KCND3: variants seen among roughly 807,000 people sequenced by gnomAD.
The protein encoded by KCND3 is A-type voltage-gated potassium channel KCND3.
Under a neutral mutation model 51.1 loss-of-function variants are expected in KCND3, and 9 were observed. The observed-to-expected ratio is 0.18, with a 90% confidence interval of 0.11 to 0.31. KCND3 has a LOEUF of 0.31. KCND3 is among the 10% of genes least tolerant of loss of function. The pLI, the probability that KCND3 is intolerant of heterozygous loss-of-function variation, is 1.00. For synonymous variants in KCND3, 349 were observed against 368.0 expected (o/e 0.95, Z 0.59); for missense variants, 526 against 903.8 (o/e 0.58, Z 5.36).
chr1:111,809,460 C>T (rs1023295046), intron 2 of KCND3, among the ~76,000 whole-genome samples: 5 of 152,042 alleles, frequency 3.3e-5, no homozygotes, highest in Non-Finnish European at 7.4e-5. Flanking sequence ...AGGCGCCCAC[C>T]ACCACACCCG....
intron 2 of KCND3, among the ~76,000 whole-genome samples, chr1:111,840,336 G>A (rs993630411): frequency 5.9e-5 from 9 of 152,034 alleles, no homozygotes; most frequent in Non-Finnish European, 1.0e-4. Context: ...CTCTGGTATG[G>A]AGCCCTCTCA....
At chr1:111,923,866 C>T (rs1004366260) in intron 2 of KCND3, among the ~76,000 whole-genome samples, 2 of 152,188 alleles carry the variant, frequency 1.3e-5, no homozygotes, top group African/African-American at 2.4e-5. Context: ...CTCCTGAAGG[C>T]AGTGGGGTGG....
Position 111,780,839 on chromosome 1 carries a change from A to T in KCND3, c.1270-48T>A. On this transcript the variant is annotated intron_variant, in intron 3 of 7. Transcript: ENST00000302127. This position sits in a 1 kb window ranked among gnomAD's most constrained non-coding sequence, Gnocchi z 4.2. ...AAGAATGAGGCAGACCATGATACAA[A>T]AAGACAGCAAGGCTGGTGAAGCTGT... The T allele has an allele frequency of 6.7e-7, 1 of 1,495,648 alleles. No homozygotes were observed. The highest frequency in any genetic ancestry group is 9.2e-7 in the Non-Finnish European group (1 of 1,086,368). The allele number at this position is 1,495,648 out of a possible 1,614,324, so 92.6% of individuals were successfully genotyped here. A position where few individuals can be genotyped will look rare whatever the true frequency, so the allele number is the denominator to read the frequency against.
At chr1:111,978,947 C>G (rs1557764496) in intron 2 of KCND3, among the ~76,000 whole-genome samples, 2 of 152,176 alleles carry the variant, frequency 1.3e-5, no homozygotes, top group East Asian at 1.9e-4. Context: ...TAGCCTGACC[C>G]AGCAATGACC....
intron 2 of KCND3, among the ~76,000 whole-genome samples, chr1:111,808,627 C>T (rs1194235891): frequency 6.6e-6 from 1 of 152,224 alleles, no homozygotes; most frequent in African/African-American, 2.4e-5. Context: ...TCATGGTAAA[C>T]AGGGAGCATG....
intron 2 of KCND3, among the ~76,000 whole-genome samples, chr1:111,928,600 C>T (rs1046959112): frequency 3.3e-5 from 5 of 152,254 alleles, no homozygotes; most frequent in African/African-American, 1.2e-4. Context: ...AACTTTCACT[C>T]TCTGGGCACA....
At chr1:111,800,708 G>T (rs1302630908) in intron 2 of KCND3, among the ~76,000 whole-genome samples, 1 of 152,208 alleles carries the variant, frequency 6.6e-6, no homozygotes, top group African/African-American at 2.4e-5. Context: ...AAGGGCTGAA[G>T]CTCAAGAGGC....
At chr1:111,957,591 T>C (rs1214822460) in intron 2 of KCND3, among the ~76,000 whole-genome samples, 2 of 151,838 alleles carry the variant, frequency 1.3e-5, no homozygotes, top group Admixed American at 6.5e-5. Context: ...TGTTCACATA[T>C]GCCAGGAAGA....
intron 2 of KCND3, among the ~76,000 whole-genome samples, chr1:111,979,369 T>C (rs1337088369): frequency 6.6e-6 from 1 of 152,256 alleles, no homozygotes; most frequent in East Asian, 1.9e-4. Flanking sequence ...TCTAAGTCAG[T>C]ATTTAAACTG....
At chr1:111,918,748 G>C in intron 2 of KCND3, among the ~76,000 whole-genome samples, 1 of 152,144 alleles carries the variant, frequency 6.6e-6, no homozygotes, top group East Asian at 1.9e-4. Flanking sequence ...GGAAGTATGG[G>C]AAGTACTTTT....
In KCND3 at chr1:111,930,141, T is replaced by A. The variant is rs148131962; in HGVS notation, c.1106+51480A>T. 4.3e-3 allele frequency among the ~76,000 whole-genome samples: 647 copies of A among 152,078 alleles called. 18 individuals are homozygous for A. The highest frequency in any genetic ancestry group is 4.6e-3 in the East Asian group (24 of 5,184). ...ACAAAGCGAGGTGATTTGATGCAAT[T>A]CACTGTTTTCGGTTTTTGTTTTTTT... On this transcript the variant is annotated intron_variant, in intron 2 of 7. Coordinates refer to ENST00000302127, the MANE Select transcript of KCND3 (RefSeq NM_001378969.1).
chr1:111,885,967 A>G (rs968260920), intron 2 of KCND3, among the ~76,000 whole-genome samples: 2 of 152,080 alleles, frequency 1.3e-5, no homozygotes, highest in Non-Finnish European at 2.9e-5. Context: ...CACCGTACCC[A>G]GCTGCATGTT....
At chr1:111,967,190 G>T (rs555267227) in intron 2 of KCND3, among the ~76,000 whole-genome samples, 10 of 151,324 alleles carry the variant, frequency 6.6e-5, no homozygotes, top group Non-Finnish European at 1.3e-4. Flanking sequence ...AAACGGGGTC[G>T]GGGGGTAAAC....
At chr1:111,798,683 C>T (rs1009359035) in intron 2 of KCND3, among the ~76,000 whole-genome samples, 8 of 151,522 alleles carry the variant, frequency 5.3e-5, no homozygotes, top group Admixed American at 6.6e-5. Context: ...GAGGCTGTAT[C>T]CTTGGTACCT....
At chr1:111,866,795 ACT>A (rs1403020076) in intron 2 of KCND3, among the ~76,000 whole-genome samples, 3 of 151,932 alleles carry the variant, frequency 2.0e-5, no homozygotes, top group Non-Finnish European at 4.4e-5. Flanking sequence ...ACAAAGTATG[ACT>A]CTAATGTATT....
chr1:111,852,565 C>T lies in KCND3; in HGVS notation c.1107-65459G>A, dbSNP rs149389291. Among the ~76,000 whole-genome samples, 35 of 152,182 alleles carry T rather than the reference C, an allele frequency of 2.3e-4. 1 individual carries two copies. In the East Asian group the frequency reaches 6.2e-3, roughly 27 times the overall value. The stretch of plus-strand genomic sequence containing the variant: ...TCTTGCCTGAGAGTGAAACTGAAAT[C>T]GAATCCATAATCCAGACAGAGGGGA... On this transcript the variant is annotated intron_variant, in intron 2 of 7. Coordinates refer to ENST00000302127, the MANE Select transcript of KCND3 (RefSeq NM_001378969.1).
intron 2 of KCND3, among the ~76,000 whole-genome samples, chr1:111,893,782 T>A (rs955602564): frequency 3.3e-5 from 5 of 152,154 alleles, no homozygotes; most frequent in African/African-American, 4.8e-5. Flanking sequence ...AGCATTGGTC[T>A]TTGACCCAGG....
intron 2 of KCND3, among the ~76,000 whole-genome samples, chr1:111,835,027 T>G (rs1328989883): frequency 6.6e-6 from 1 of 152,208 alleles, no homozygotes; most frequent in Admixed American, 6.5e-5. Flanking sequence ...GGGTGCTCAG[T>G]GCCTCTAAGA....
At chr1:111,838,702 ACAT>A (rs899970022) in intron 2 of KCND3, among the ~76,000 whole-genome samples, 70 of 151,916 alleles carry the variant, frequency 4.6e-4, no homozygotes, top group African/African-American at 1.6e-3. Context: ...AACAACAACA[ACAT>A]CAACAAAAGC....
Sources: gnomAD v4.1 joint callset for allele counts (sites outside exome capture counted in the v4.1 genomes callset) on GRCh38, gnomAD v4.1.1 for gene constraint, Gnocchi (gnomAD v3.1) non-coding constraint, MANE v1.5 for transcripts, NCBI Gene and HGNC (gene_info 2026-07-23, HGNC 2026-07-21) for gene names.